The following LTBP1 variants were observed in gnomAD, a reference collection of about 807,000 sequenced individuals.
The protein encoded by LTBP1 is latent-transforming growth factor beta-binding protein 1.
In LTBP1, 129 loss-of-function variants were observed where a neutral mutation model predicts 207.6. That is an observed-to-expected ratio of 0.62 (90% CI 0.54 to 0.72). The LOEUF is 0.72. Ranked by LOEUF, LTBP1 falls within the 30% of genes least tolerant of loss-of-function variation. The pLI is 0.00. For missense variants in LTBP1, 2,281 were observed against 2,217.2 expected, an observed-to-expected ratio of 1.03 and a Z score of -0.58; for synonymous variants, 963 against 833.7, an observed-to-expected ratio of 1.16 and a Z score of -2.67.
At chr2:33,143,287 G>A (rs1460167045) in intron 5 of LTBP1, among the ~76,000 whole-genome samples, 1 of 152,180 alleles carries the variant, frequency 6.6e-6, no homozygotes, top group African/African-American at 2.4e-5. Context: ...ACTCTAAACT[G>A]ATTGGGAACA....
rs569723851 is a variant in LTBP1 at position 33,319,531 on chromosome 2, G to A, written c.3730+4262G>A. 7.2e-5 allele frequency among the ~76,000 whole-genome samples: 11 copies of A among 152,230 alleles called. No homozygotes were observed. The South Asian group carries it at 1.5e-3, about 20-fold the overall frequency. Reference sequence around the variant, plus strand: ...TAATCAGATTCCTAGGGGTCACCACGTCTGTCCCCATGGCCCATGGGGAAA... The same window carrying A: ...TAATCAGATTCCTAGGGGTCACCACATCTGTCCCCATGGCCCATGGGGAAA... On this transcript the variant is annotated intron_variant, in intron 24 of 33. Coordinates refer to ENST00000404816, the MANE Select transcript of LTBP1 (RefSeq NM_206943.4).
At chr2:33,092,811 G>C (rs866481097) in intron 3 of LTBP1, among the ~76,000 whole-genome samples, 1 of 152,058 alleles carries the variant, frequency 6.6e-6, no homozygotes, top group Non-Finnish European at 1.5e-5. Context: ...CCATTTCCAT[G>C]ACCCTAAATT....
chr2:32,988,961 A>G (rs1684007109), intron 2 of LTBP1, among the ~76,000 whole-genome samples: 1 of 152,170 alleles, frequency 6.6e-6, no homozygotes, highest in Non-Finnish European at 1.5e-5. Flanking sequence ...TCAGAACAGA[A>G]TTTAATATTT....
At chr2:33,143,570 G>C (rs2082796013) in intron 5 of LTBP1, among the ~76,000 whole-genome samples, 1 of 152,110 alleles carries the variant, frequency 6.6e-6, no homozygotes, top group Non-Finnish European at 1.5e-5. Context: ...AGGACACCCT[G>C]GTAGCAATTT....
At chr2:32,990,032 G>C (rs1684168834) in intron 2 of LTBP1, among the ~76,000 whole-genome samples, 1 of 152,172 alleles carries the variant, frequency 6.6e-6, no homozygotes, top group African/African-American at 2.4e-5. Flanking sequence ...TTGAGCCCAG[G>C]AGTTTGAGGC....
At chr2:33,194,329 T>C (rs542245992) in intron 7 of LTBP1, among the ~76,000 whole-genome samples, 1 of 151,710 alleles carries the variant, frequency 6.6e-6, no homozygotes, top group East Asian at 1.9e-4. Context: ...TTAACCTTAG[T>C]GAGGAGGGCA....
At chr2:33,033,656 C>T (rs1249540237) in intron 3 of LTBP1, among the ~76,000 whole-genome samples, 1 of 150,302 alleles carries the variant, frequency 6.7e-6, no homozygotes, top group East Asian at 1.9e-4. Flanking sequence ...ACAGAAACAG[C>T]AATCTGAAAG....
At chr2:33,143,347 G>T (rs1188490210) in intron 5 of LTBP1, among the ~76,000 whole-genome samples, 1 of 152,152 alleles carries the variant, frequency 6.6e-6, no homozygotes. Flanking sequence ...ACAGTGCCTC[G>T]CTTTGGAGAT....
At chr2:33,063,642 C>T (rs1343427609) in intron 3 of LTBP1, among the ~76,000 whole-genome samples, 1 of 151,918 alleles carries the variant, frequency 6.6e-6, no homozygotes, top group African/African-American at 2.4e-5. Context: ...TTGGGATCCT[C>T]AGTTGTTTTT....
intron 31 of LTBP1, among the ~76,000 whole-genome samples, chr2:33,374,164 C>T (rs2095107137): frequency 6.6e-6 from 1 of 152,172 alleles, no homozygotes; most frequent in Non-Finnish European, 1.5e-5. Flanking sequence ...GGCCTGTCAG[C>T]AGTCACGGTT....
At chr2:33,386,641 T>C (rs929793104) in intron 31 of LTBP1, among the ~76,000 whole-genome samples, 1 of 152,178 alleles carries the variant, frequency 6.6e-6, no homozygotes, top group African/African-American at 2.4e-5. Flanking sequence ...TTGGGCAACA[T>C]TGTGAGACCC....
At chr2:33,356,928 G>A (rs932413090) in intron 26 of LTBP1, among the ~76,000 whole-genome samples, 2 of 152,070 alleles carry the variant, frequency 1.3e-5, no homozygotes, top group African/African-American at 2.4e-5. Context: ...TTTCTTTGGG[G>A]GTAACTATTT....
intron 19 of LTBP1, among the ~76,000 whole-genome samples, chr2:33,280,693 C>T (rs1226002388): frequency 6.6e-6 from 1 of 152,148 alleles, no homozygotes; most frequent in Non-Finnish European, 1.5e-5. Context: ...AACTCTTTTC[C>T]ACTCCATACC....
chr2:33,126,627 CTAAT>C (rs753236627), intron 4 of LTBP1, among the ~76,000 whole-genome samples: 4 of 152,112 alleles, frequency 2.6e-5, no homozygotes, highest in Non-Finnish European at 5.9e-5. Flanking sequence ...TTATTGGCAA[CTAAT>C]TGTTTTTCAA....
At chr2:33,111,291 C>G (rs2080383478) in intron 4 of LTBP1, among the ~76,000 whole-genome samples, 1 of 152,146 alleles carries the variant, frequency 6.6e-6, no homozygotes. Flanking sequence ...ATGTGGGAAG[C>G]TCAAGGACAA....
At chr2:33,316,711 G>T (rs2094278739) in intron 24 of LTBP1, among the ~76,000 whole-genome samples, 1 of 152,136 alleles carries the variant, frequency 6.6e-6, no homozygotes. Context: ...TATATTTGGG[G>T]CTTTGAGACC....
intron 9 of LTBP1, among the ~76,000 whole-genome samples, chr2:33,230,536 A>G (rs536083561): frequency 1.3e-5 from 2 of 152,300 alleles, no homozygotes; most frequent in African/African-American, 4.8e-5. Context: ...TGATGGATCT[A>G]GAGCAGCATT....
At chr2:33,119,696 TACAGGCGCCTGCCACC>T (rs2080988252) in intron 4 of LTBP1, among the ~76,000 whole-genome samples, 1 of 152,194 alleles carries the variant, frequency 6.6e-6, no homozygotes, top group Non-Finnish European at 1.5e-5. Flanking sequence ...AGGCTGGGAC[TACAGGCGCCTGCCACC>T]ACGCCTGGCT....
intron 32 of LTBP1, among the ~76,000 whole-genome samples, chr2:33,389,858 T>C (rs1002558761): frequency 2.6e-5 from 4 of 152,186 alleles, no homozygotes; most frequent in Non-Finnish European, 5.9e-5. Flanking sequence ...CAGGCTCTTC[T>C]TGAACTCCTG....
Sources: allele counts gnomAD v4.1 joint callset (sites outside exome capture counted in the v4.1 genomes callset), GRCh38; gene constraint gnomAD v4.1.1; transcripts MANE v1.5; gene names NCBI Gene and HGNC (gene_info 2026-07-23, HGNC 2026-07-21).